The following PCM1 variants were observed in gnomAD, a reference collection of about 807,000 sequenced individuals.
The protein encoded by PCM1 is pericentriolar material 1.
A neutral mutation model predicts 241.9 loss-of-function variants in PCM1; 157 were observed. The observed-to-expected ratio is 0.65, with a 90% CI of 0.57 to 0.74. The LOEUF is 0.74. Among genes scored for constraint, PCM1 ranks in the 30% least tolerant of loss-of-function variants. The pLI is 0.00. For synonymous variants in PCM1, 1,085 were observed against 784.9 expected, an observed-to-expected ratio of 1.38 and a Z score of -6.39; for missense variants, 3,478 against 2,360.1, an observed-to-expected ratio of 1.47 and a Z score of -9.81.
chr8:17,947,938 A>G lies in PCM1; in HGVS notation c.961+575A>G, dbSNP rs183824079. On this transcript the variant is annotated intron_variant, in intron 7 of 38. Coordinates refer to ENST00000325083, the MANE Select transcript of PCM1 (RefSeq NM_006197.4). ...TTCCTCATAGCCATGTGTGAATTAG[A>G]TGAAAGTTGTGTTGAATTTCTTAGT... Among the ~76,000 whole-genome samples the G allele has an allele frequency of 5.4e-3, 822 of 152,302 alleles. 8 individuals are homozygous for G. Among genetic ancestry groups the G allele is most frequent in the African/African-American group, 0.018 (765 of 41,562 alleles).
rs1475795627 is a variant in PCM1, at chr8:17,957,740, C to G, written c.2005C>G (p.Leu669Val). ...INRLMAAKQK[L>V]RQLQDLVAMV... ...CCGACTTATGGCTGCAAAACAGAAACTTAGACAGTTACAAGATCTTGTTGC... is the reference window on the plus strand; with the variant it reads ...CCGACTTATGGCTGCAAAACAGAAAGTTAGACAGTTACAAGATCTTGTTGC... Residue 669 changes from leucine to valine, a missense_variant, in exon 13 of 39, where the codon CTT becomes GTT. Transcript: ENST00000325083. 5 of 1,613,440 alleles carry G rather than the reference C, an allele frequency of 3.1e-6. No homozygotes were observed. The highest frequency in any genetic ancestry group is 4.2e-6 in the Non-Finnish European group (5 of 1,179,608).
intron 15 of PCM1, 36 bp from the exon 16 acceptor site, chr8:17,961,998 A>G: frequency 1.3e-6 from 2 of 1,574,340 alleles, no homozygotes; most frequent in Non-Finnish European, 1.7e-6. Flanking sequence ...TAATTGCTTT[A>G]ATTCCTCATA....
intron 36 of PCM1, among the ~76,000 whole-genome samples, chr8:18,017,303 T>C (rs914776322): frequency 6.6e-6 from 1 of 152,208 alleles, no homozygotes; most frequent in Non-Finnish European, 1.5e-5. Context: ...CTGCGGGAAC[T>C]GAAATGGTTT....
chr8:17,988,539 T>G (rs1298026149), intron 26 of PCM1, among the ~76,000 whole-genome samples: 1 of 151,800 alleles, frequency 6.6e-6, no homozygotes, highest in African/African-American at 2.4e-5. Context: ...AAGAAAAAAT[T>G]AAGAAATTAG....
At position 18,027,778 on chromosome 8, in the gene PCM1, T is replaced by TTGA. The variant is rs1482564434; in HGVS notation, c.*118_*120dup. The TTGA allele has an allele frequency of 4.7e-6, 3 of 631,590 alleles. No homozygotes were observed. The African/African-American group carries it at 5.5e-5, about 12-fold the overall frequency. 39.1% of individuals were successfully genotyped at this position (631,590 alleles called of 1,614,324 possible). A position where few individuals can be genotyped will look rare whatever the true frequency, so the allele number is the denominator to read the frequency against. On this transcript the variant is annotated 3_prime_UTR_variant, in exon 39 of 39. Transcript: ENST00000325083. ...TGTAAATTAGTTTGACACTGCTTTTTTGATAGGTGTGGTCATTTCTCCCCA... is the reference window on the plus strand; with the variant it reads ...TGTAAATTAGTTTGACACTGCTTTTTTGATGATAGGTGTGGTCATTTCTCCCCA...
At chr8:17,972,084 A>C (rs1397558461) in intron 22 of PCM1, among the ~76,000 whole-genome samples, 1 of 152,178 alleles carries the variant, frequency 6.6e-6, no homozygotes, top group Non-Finnish European at 1.5e-5. Context: ...CTAATGCTAG[A>C]TCTTTGATAA....
At chr8:17,941,001 T>A (rs2061849825) in intron 6 of PCM1, among the ~76,000 whole-genome samples, 1 of 152,168 alleles carries the variant, frequency 6.6e-6, no homozygotes, top group Non-Finnish European at 1.5e-5. Flanking sequence ...CCTATTAGTA[T>A]TGACCTGCAT....
At chr8:17,944,014 A>G (rs921960371) in intron 6 of PCM1, among the ~76,000 whole-genome samples, 2 of 152,220 alleles carry the variant, frequency 1.3e-5, no homozygotes, top group African/African-American at 4.8e-5. Flanking sequence ...ATAAGATGTC[A>G]GAAGAAGGCA....
chr8:17,939,157 T>A, intron 5 of PCM1, 148 bp downstream of exon 5: 2 of 693,106 alleles, frequency 2.9e-6, no homozygotes, highest in Non-Finnish European at 4.7e-6. Flanking sequence ...CTGCCAGATT[T>A]ACTTAAAATA....
chr8:17,950,188 C>A (rs970034901), intron 7 of PCM1, among the ~76,000 whole-genome samples: 1 of 152,182 alleles, frequency 6.6e-6, no homozygotes, highest in Non-Finnish European at 1.5e-5. Flanking sequence ...ACTATTTCAA[C>A]CTTTAAGCAA....
intron 6 of PCM1, among the ~76,000 whole-genome samples, chr8:17,942,244 A>G (rs954282229): frequency 1.3e-5 from 2 of 152,148 alleles, no homozygotes; most frequent in African/African-American, 4.8e-5. Flanking sequence ...AGGTGGGCGG[A>G]TCACCTGAGG....
At position 17,967,055 on chromosome 8, in the gene PCM1, C is replaced by T. The variant is rs775543929; in HGVS notation, c.3297C>T (p.Gly1099=). ...HPEKPGGKER[G]SSASHPPSPS... ...AAAAACCTGGAGGCAAGGAAAGAGG[C>T]AGTAGTGCATCGCACCCTCCTTCTC... is the stretch of plus-strand genomic sequence containing the variant. The change falls in exon 21 of 39, where the codon GGC becomes GGT. Residue 1099 remains glycine, a synonymous_variant. Coordinates refer to ENST00000325083, the MANE Select transcript of PCM1 (RefSeq NM_006197.4). 12 of 1,609,624 alleles carry T rather than the reference C, an allele frequency of 7.5e-6. No individual in the cohort carries two copies. The Admixed American group carries it at 1.9e-4, about 25-fold the overall frequency.
chr8:18,009,732 T>C lies in PCM1; in HGVS notation c.5148T>C (p.Ser1716=). 6.9e-7 allele frequency: 1 copy of C among 1,459,020 alleles called. No individual in the cohort carries two copies. Among genetic ancestry groups the C allele is most frequent in the Non-Finnish European group, 9.1e-7 (1 of 1,103,642 alleles). 90.4% of individuals were successfully genotyped at this position (1,459,020 alleles called of 1,614,324 possible). ...TAGAAGCAACTGGAGTGATACAATC[T>C]TGTGCCAAAGAGGTAAATAACGTTC... ...RKIEATGVIQ[S]CAKEAKRILE... The change falls in exon 31 of 39, where the codon TCT becomes TCC. Residue 1716 remains serine (S), a synonymous_variant. Transcript: ENST00000325083.
chr8:17,952,733 C>T (rs551483384), intron 8 of PCM1, among the ~76,000 whole-genome samples: 2 of 151,924 alleles, frequency 1.3e-5, no homozygotes, highest in East Asian at 1.9e-4. Flanking sequence ...TTTTGGTGTC[C>T]CCAGGGGTCC....
chr8:18,024,796 A>C (rs997740049), intron 36 of PCM1, among the ~76,000 whole-genome samples: 3 of 152,208 alleles, frequency 2.0e-5, no homozygotes, highest in Non-Finnish European at 4.4e-5. Context: ...GGTGAGAAAC[A>C]GTGCAAGAAG....
At chr8:18,012,937 A>G (rs938296521) in intron 34 of PCM1, among the ~76,000 whole-genome samples, 10 of 152,128 alleles carry the variant, frequency 6.6e-5, no homozygotes, top group African/African-American at 2.4e-4. Flanking sequence ...GTTATTTCAC[A>G]GAAGCATTAC....
intron 29 of PCM1, among the ~76,000 whole-genome samples, chr8:18,005,462 A>G (rs2091003720): frequency 6.6e-6 from 1 of 151,546 alleles, no homozygotes; most frequent in Non-Finnish European, 1.5e-5. Flanking sequence ...CTCATTTTAT[A>G]GATATGTATT....
At chr8:18,019,649 G>T (rs1385142150) in intron 36 of PCM1, among the ~76,000 whole-genome samples, 1 of 152,142 alleles carries the variant, frequency 6.6e-6, no homozygotes, top group Non-Finnish European at 1.5e-5. Flanking sequence ...TAGGGTTCAA[G>T]CTCCTACAAG....
At chr8:17,980,914 TAAA>T (rs1367068655) in intron 24 of PCM1, among the ~76,000 whole-genome samples, 159 bp downstream of exon 24, 3 of 152,158 alleles carry the variant, frequency 2.0e-5, no homozygotes, top group South Asian at 2.1e-4. Flanking sequence ...TACTGAAAAA[TAAA>T]AACTGAAAAT....
Sources: gnomAD v4.1 joint callset for allele counts (sites outside exome capture counted in the v4.1 genomes callset) on GRCh38, gnomAD v4.1.1 for gene constraint, MANE v1.5 for transcripts, NCBI Gene and HGNC (gene_info 2026-07-23, HGNC 2026-07-21) for gene names.